Variants in FUT9 observed in about 807,000 individuals in gnomAD.
FUT9 encodes 4-galactosyl-N-acetylglucosaminide 3-alpha-L-fucosyltransferase 9.
In FUT9, 15 loss-of-function variants were observed where a neutral mutation model predicts 29.7. The ratio of observed to expected loss-of-function variants is 0.51; its 90% CI spans 0.34 to 0.78. FUT9 has a LOEUF of 0.78. FUT9 is among the 30% of genes least tolerant of loss of function. The pLI is 0.01. For missense variants in FUT9, 319 were observed against 425.4 expected (o/e 0.75, Z 2.20); for synonymous variants, 169 against 153.7 (o/e 1.10, Z -0.74).
At position 96,096,742 on chromosome 6, in the gene FUT9, T is replaced by C. The variant is rs1434398742; in HGVS notation, c.-97-17297T>C. Among the ~76,000 whole-genome samples, 3 of 150,412 alleles carry C rather than the reference T, an allele frequency of 2.0e-5. No individual in the cohort carries two copies. The East Asian group carries it at 6.0e-4, about 30-fold the overall frequency. Reference sequence around the variant, plus strand: ...TCAGATCTTTACTTAAAATTCACCTTCCCAAGGCCTTTGCCTACTCTATTG... The same window carrying C: ...TCAGATCTTTACTTAAAATTCACCTCCCCAAGGCCTTTGCCTACTCTATTG... On this transcript the variant is annotated intron_variant, in intron 1 of 2. Transcript: ENST00000302103.
At chr6:96,070,845 C>T (rs1382070156) in intron 1 of FUT9, among the ~76,000 whole-genome samples, 1 of 152,068 alleles carries the variant, frequency 6.6e-6, no homozygotes, top group Non-Finnish European at 1.5e-5. Context: ...GATTCTCTTT[C>T]AATCATTTTT....
chr6:96,106,382 A>G (rs906937165), intron 1 of FUT9, among the ~76,000 whole-genome samples: 1 of 152,120 alleles, frequency 6.6e-6, no homozygotes, highest in Non-Finnish European at 1.5e-5. Flanking sequence ...TGTGCTTTTA[A>G]AAGGAAGTAT....
chr6:96,191,328 C>T (rs950015524), intron 2 of FUT9, among the ~76,000 whole-genome samples: 1 of 151,940 alleles, frequency 6.6e-6, no homozygotes, highest in African/African-American at 2.4e-5. Context: ...ATTGATAGAC[C>T]ACTAGCAAGA....
chr6:96,140,465 C>T (rs963402631), intron 2 of FUT9, among the ~76,000 whole-genome samples: 2 of 152,138 alleles, frequency 1.3e-5, no homozygotes, highest in East Asian at 3.8e-4. Context: ...TTTATAGCAG[C>T]ACCTGTAGCA....
At chr6:96,199,788 C>A (rs1360549739) in intron 2 of FUT9, among the ~76,000 whole-genome samples, 1 of 152,072 alleles carries the variant, frequency 6.6e-6, no homozygotes, top group Admixed American at 6.6e-5. Context: ...GGTTACCTAC[C>A]AAGCACAGTA....
chr6:96,018,136 AT>A (rs1363824414), intron 1 of FUT9, among the ~76,000 whole-genome samples: 2 of 152,054 alleles, frequency 1.3e-5, no homozygotes, highest in Non-Finnish European at 2.9e-5. Flanking sequence ...AAATTTGAAA[AT>A]TTTAGTTGGT....
intron 2 of FUT9, among the ~76,000 whole-genome samples, chr6:96,135,642 C>A (rs1772334691): frequency 1.3e-5 from 2 of 151,572 alleles, no homozygotes; most frequent in African/African-American, 4.8e-5. Context: ...AAAAAAGGTA[C>A]CGGGGGAGAA....
intron 2 of FUT9, among the ~76,000 whole-genome samples, chr6:96,151,362 CAG>C (rs2127976744): frequency 6.6e-6 from 1 of 152,176 alleles, no homozygotes; most frequent in South Asian, 2.1e-4. Context: ...CACATTGTAA[CAG>C]AGAGAAATGA....
At chr6:96,035,674 ATATAATATTATAT>A (rs919890543) in intron 1 of FUT9, among the ~76,000 whole-genome samples, 50 of 132,502 alleles carry the variant, frequency 3.8e-4, no homozygotes, top group African/African-American at 1.3e-3. Flanking sequence ...TTATATTAAA[ATATAATATTATAT>A]TTATTATACT....
At chr6:96,193,434 CAAAA>C (rs1773557864) in intron 2 of FUT9, among the ~76,000 whole-genome samples, 1 of 141,166 alleles carries the variant, frequency 7.1e-6, no homozygotes, top group Non-Finnish European at 1.5e-5. Context: ...TTTATGCAGC[CAAAA>C]AACAGATGAA....
At chr6:96,055,619 T>A (rs917802186) in intron 1 of FUT9, among the ~76,000 whole-genome samples, 3 of 151,936 alleles carry the variant, frequency 2.0e-5, no homozygotes, top group African/African-American at 7.2e-5. Flanking sequence ...GTACCGGTTG[T>A]TTCTTTATGG....
At chr6:96,147,322 G>A (rs192797280) in intron 2 of FUT9, among the ~76,000 whole-genome samples, 267 of 151,928 alleles carry the variant, frequency 1.8e-3, no homozygotes, top group African/African-American at 6.0e-3. Context: ...CACCATACCC[G>A]GCTAATTTTT....
chr6:96,084,104 A>T (rs1217344829), intron 1 of FUT9, among the ~76,000 whole-genome samples: 2 of 152,120 alleles, frequency 1.3e-5, no homozygotes, highest in African/African-American at 2.4e-5. Context: ...ATAACAATGA[A>T]CTATTTTTAA....
intron 2 of FUT9, among the ~76,000 whole-genome samples, chr6:96,144,701 A>G (rs941400839): frequency 1.6e-4 from 24 of 152,184 alleles, no homozygotes; most frequent in African/African-American, 5.6e-4. Context: ...ATTATCAAAC[A>G]TTGCATAGTT....
At chr6:96,099,787 A>G (rs985272328) in intron 1 of FUT9, among the ~76,000 whole-genome samples, 2 of 152,130 alleles carry the variant, frequency 1.3e-5, no homozygotes, top group Non-Finnish European at 2.9e-5. Flanking sequence ...TCGATAAAAT[A>G]TCCAGTGTTC....
chr6:96,159,473 C>T (rs548181028), intron 2 of FUT9, among the ~76,000 whole-genome samples: 18 of 152,160 alleles, frequency 1.2e-4, no homozygotes, highest in Admixed American at 8.5e-4. Context: ...TTCTACAAGA[C>T]CAAATGTATT....
chr6:96,049,262 C>T (rs1227318432), intron 1 of FUT9, among the ~76,000 whole-genome samples: 1 of 152,118 alleles, frequency 6.6e-6, no homozygotes, highest in Non-Finnish European at 1.5e-5. Flanking sequence ...CCTTAGTTCT[C>T]AGGCTGCTTT....
chr6:96,110,992 T>G (rs1018700019), intron 1 of FUT9, among the ~76,000 whole-genome samples: 6 of 152,136 alleles, frequency 3.9e-5, no homozygotes, highest in Non-Finnish European at 8.8e-5. Context: ...GAAACTCCTT[T>G]ATACAAAATT....
intron 1 of FUT9, among the ~76,000 whole-genome samples, chr6:96,048,989 T>C (rs996891404): frequency 7.2e-5 from 11 of 152,318 alleles, no homozygotes; most frequent in African/African-American, 2.6e-4. Context: ...CTGGGATAGT[T>C]ATAATAATAA....
Sources: gnomAD v4.1 joint callset for allele counts (sites outside exome capture counted in the v4.1 genomes callset) on GRCh38, gnomAD v4.1.1 for gene constraint, MANE v1.5 for transcripts, NCBI Gene and HGNC (gene_info 2026-07-23, HGNC 2026-07-21) for gene names.